The following TRPM6 variants were observed in gnomAD, a reference collection of about 807,000 sequenced individuals.
TRPM6 encodes transient receptor potential cation channel subfamily M member 6.
A neutral mutation model predicts 247.6 loss-of-function variants in TRPM6; 111 were observed. That is an observed-to-expected ratio of 0.45 (90% CI 0.38 to 0.52). TRPM6 has a LOEUF of 0.52. Ranked by LOEUF, TRPM6 falls within the 20% of genes least tolerant of loss-of-function variation. The pLI, the probability that TRPM6 is intolerant of heterozygous loss-of-function variation, is 0.00. For missense variants in TRPM6, 2,126 were observed against 2,421.5 expected, an observed-to-expected ratio of 0.88 and a Z score of 2.56; for synonymous variants, 892 against 853.8, an observed-to-expected ratio of 1.04 and a Z score of -0.78.
intron 6 of TRPM6, among the ~76,000 whole-genome samples, chr9:74,831,104 T>C (rs1352993924): frequency 2.0e-5 from 3 of 152,122 alleles, no homozygotes; most frequent in Non-Finnish European, 4.4e-5. Context: ...TGGACAATAA[T>C]AGAGGAATCA....
Position 74,887,866 on chromosome 9 carries a change from G to C in TRPM6, c.-10C>G, listed in dbSNP as rs2118571361. 1 of 1,614,032 alleles carries C rather than the reference G, an allele frequency of 6.2e-7. No homozygotes were observed. Among genetic ancestry groups the C allele is most frequent in the South Asian group, 1.1e-5 (1 of 91,082 alleles). On this transcript the variant is annotated 5_prime_UTR_variant, in exon 1 of 39. Coordinates refer to ENST00000360774, the MANE Select transcript of TRPM6 (RefSeq NM_017662.5). The stretch of plus-strand genomic sequence containing the variant: ...CAGGTTGTTCTTTCATCTTTGATTT[G>C]CAGGCCCTGCTCCCAAAGCCCTGTC...
At chr9:74,765,919 A>G (rs1826811576) in intron 25 of TRPM6, among the ~76,000 whole-genome samples, 1 of 152,226 alleles carries the variant, frequency 6.6e-6, no homozygotes, top group Non-Finnish European at 1.5e-5. Context: ...AACTTCTATA[A>G]CTCAATAGAG....
chr9:74,816,866 A>G (rs777324039), intron 10 of TRPM6, 26 bp downstream of exon 10: 1 of 1,613,162 alleles, frequency 6.2e-7, no homozygotes, highest in East Asian at 2.2e-5. Flanking sequence ...AATGAGGAAC[A>G]ATTGCAACCC....
chr9:74,854,827 C>T (rs1830473140), intron 3 of TRPM6, among the ~76,000 whole-genome samples: 1 of 152,096 alleles, frequency 6.6e-6, no homozygotes. Context: ...ACAAGTCCCG[C>T]TACAATTTTT....
chr9:74,750,619 A>G (rs780706814), intron 30 of TRPM6, 45 bp downstream of exon 30: 5 of 1,576,144 alleles, frequency 3.2e-6, no homozygotes, highest in South Asian at 1.1e-5. Flanking sequence ...AGTTAAAAAA[A>G]TGGAAGCCAA....
chr9:74,726,249 C>T (rs1366880001), intron 38 of TRPM6, among the ~76,000 whole-genome samples: 1 of 152,194 alleles, frequency 6.6e-6, no homozygotes, highest in Non-Finnish European at 1.5e-5. Context: ...GTGTATCACA[C>T]CTGTAATCCC....
At chr9:74,810,517 C>T (rs1828692695) in intron 13 of TRPM6, among the ~76,000 whole-genome samples, 1 of 152,182 alleles carries the variant, frequency 6.6e-6, no homozygotes, top group African/African-American at 2.4e-5. Flanking sequence ...TAGGCACCAC[C>T]ACGGTATCGG....
Position 74,782,722 on chromosome 9 carries a change from T to C in TRPM6, c.3051A>G (p.Pro1017=), listed in dbSNP as rs769774823. ...AGACTTCTCCGTATATCATCCAGTA[T>C]GGCTCAAATACAATATCTCGAGCTA... ...WSLARDIVFE[P]YWMIYGEVYA... is the part of the protein sequence containing the mutation. The change falls in exon 22 of 39, where the codon CCA becomes CCG. Residue 1017 remains proline, a synonymous_variant. Transcript: ENST00000360774. 4 of 1,614,104 alleles carry C rather than the reference T, an allele frequency of 2.5e-6. No homozygotes were observed. The East Asian group carries it at 8.9e-5, about 36-fold the overall frequency.
At chr9:74,790,576 A>T (rs1407853841) in intron 19 of TRPM6, among the ~76,000 whole-genome samples, 2 of 152,158 alleles carry the variant, frequency 1.3e-5, no homozygotes, top group African/African-American at 2.4e-5. Context: ...CATAACTGTA[A>T]GCTGTTTGAG....
chr9:74,861,771 C>T (rs1366963127), intron 1 of TRPM6, among the ~76,000 whole-genome samples: 1 of 152,026 alleles, frequency 6.6e-6, no homozygotes, highest in African/African-American at 2.4e-5. Flanking sequence ...GGGAACTTAA[C>T]TTTGATGTAT....
chr9:74,751,511 T>C (rs1447077094), intron 29 of TRPM6, among the ~76,000 whole-genome samples: 1 of 152,230 alleles, frequency 6.6e-6, no homozygotes, highest in African/African-American at 2.4e-5. Context: ...TCTGAGGTTG[T>C]TAGCCATAAA....
In TRPM6 at chr9:74,803,861, C is replaced by T. The variant is rs1828432717; in HGVS notation, c.1664G>A (p.Arg555Lys). The T allele has an allele frequency of 6.2e-7, 1 of 1,613,478 alleles. No individual in the cohort carries two copies. The highest frequency in any genetic ancestry group is 8.5e-7 in the Non-Finnish European group (1 of 1,179,464). ...CAGCGTACTTTCTGCAGACTCATTTCTATTTCCTGAGGAGTGTCTCTGGTG... is the reference window on the plus strand; with the variant it reads ...CAGCGTACTTTCTGCAGACTCATTTTTATTTCCTGAGGAGTGTCTCTGGTG... ...YKHQRHSSGN[R>K]NESAESTLHS... Residue 555 changes from arginine (R) to lysine (K), a missense_variant, in exon 15 of 39, where the codon AGA becomes AAA. Arg to Lys is a conservative substitution (Grantham distance 26). Transcript: ENST00000360774.
chr9:74,841,322 A>G (rs1366781568), intron 4 of TRPM6, among the ~76,000 whole-genome samples: 8 of 152,184 alleles, frequency 5.3e-5, no homozygotes, highest in African/African-American at 1.7e-4. Flanking sequence ...GCCTCCCTCA[A>G]ACTTACACGA....
chr9:74,815,313 G>A (rs373274356), intron 11 of TRPM6, among the ~76,000 whole-genome samples: 25 of 152,092 alleles, frequency 1.6e-4, no homozygotes, highest in East Asian at 1.2e-3. Context: ...AAAAAGAAGT[G>A]TTTACTTCTC....
intron 22 of TRPM6, 24 bp downstream of exon 22, chr9:74,782,655 A>G: frequency 6.2e-7 from 1 of 1,613,276 alleles, no homozygotes; most frequent in Non-Finnish European, 8.5e-7. Context: ...CAATTTCTGC[A>G]TGACGGTAAA....
At chr9:74,817,087 T>C in intron 9 of TRPM6, 123 bp from the exon 10 acceptor site, 1 of 932,014 alleles carries the variant, frequency 1.1e-6, no homozygotes, top group Non-Finnish European at 1.7e-6. Flanking sequence ...CTTTAAAACC[T>C]TTTTTTACTT....
chr9:74,750,797 A>G lies in TRPM6; in HGVS notation c.4999-75T>C, dbSNP rs146840232. 13,625 of 1,301,486 alleles carry G rather than the reference A, an allele frequency of 0.01. 96 individuals carry two copies. The highest frequency in any genetic ancestry group is 0.014 in the Non-Finnish European group (12,136 of 895,216). The allele number at this position is 1,301,486 out of a possible 1,614,324, so 80.6% of individuals were successfully genotyped here. A position where few individuals can be genotyped will look rare whatever the true frequency, so the allele number is the denominator to read the frequency against. On this transcript the variant is annotated intron_variant, in intron 29 of 38. Coordinates refer to ENST00000360774, the MANE Select transcript of TRPM6 (RefSeq NM_017662.5). ...CCAAGTTTCTAGGAATGATCTGCCAAACACGCTCCTTGGAGAATCCTTCTT... is the reference window on the plus strand; with the variant it reads ...CCAAGTTTCTAGGAATGATCTGCCAGACACGCTCCTTGGAGAATCCTTCTT...
chr9:74,831,859 A>G (rs941441924), intron 6 of TRPM6, among the ~76,000 whole-genome samples: 4 of 152,238 alleles, frequency 2.6e-5, no homozygotes, highest in African/African-American at 9.6e-5. Context: ...CTGTACCACA[A>G]GGTAAACCAA....
intron 1 of TRPM6, among the ~76,000 whole-genome samples, chr9:74,885,423 A>C (rs1831501929): frequency 1.3e-5 from 2 of 152,240 alleles, no homozygotes; most frequent in Admixed American, 6.5e-5. Flanking sequence ...GTAACTAGTT[A>C]AAAGAGATGA....
Sources: gnomAD v4.1 joint callset for allele counts (sites outside exome capture counted in the v4.1 genomes callset) on GRCh38, gnomAD v4.1.1 for gene constraint, MANE v1.5 for transcripts, NCBI Gene and HGNC (gene_info 2026-07-23, HGNC 2026-07-21) for gene names.